TMED8: variants seen among roughly 807,000 people sequenced by gnomAD.
TMED8 encodes protein TMED8.
TMED8 carries 15 observed loss-of-function variants against 32.7 expected under a neutral mutation model. That is an observed-to-expected ratio of 0.46 (90% CI 0.31 to 0.71). TMED8 has a LOEUF of 0.71. TMED8 is among the 30% of genes least tolerant of loss of function. The pLI is 0.06. For synonymous variants in TMED8, 147 were observed against 161.4 expected, an observed-to-expected ratio of 0.91 and a Z score of 0.68; for missense variants, 390 against 423.9, an observed-to-expected ratio of 0.92 and a Z score of 0.70.
chr14:77,375,474 T>C, intron 1 of TMED8, among the ~76,000 whole-genome samples: 1 of 152,250 alleles, frequency 6.6e-6, no homozygotes, highest in East Asian at 1.9e-4. Flanking sequence ...AAGACTTACC[T>C]TTCTGTGTTT....
At chr14:77,346,958 T>C (rs781441904) in intron 2 of TMED8, among the ~76,000 whole-genome samples, 1 of 152,032 alleles carries the variant, frequency 6.6e-6, no homozygotes, top group Non-Finnish European at 1.5e-5. Context: ...AAATCTACTG[T>C]CTTAGCAATT....
At chr14:77,370,248 C>T (rs968487625) in intron 1 of TMED8, among the ~76,000 whole-genome samples, 1 of 152,082 alleles carries the variant, frequency 6.6e-6, no homozygotes, top group African/African-American at 2.4e-5. Context: ...CTATGTCTAT[C>T]CCCCTTTGGC....
intron 1 of TMED8, among the ~76,000 whole-genome samples, chr14:77,361,541 T>C (rs1893434543): frequency 6.6e-6 from 1 of 152,238 alleles, no homozygotes; most frequent in South Asian, 2.1e-4. Flanking sequence ...ATTGCTTGTA[T>C]ATTCAGGGTA....
At chr14:77,351,210 GGC>G (rs1296359617) in intron 2 of TMED8, among the ~76,000 whole-genome samples, 1 of 151,764 alleles carries the variant, frequency 6.6e-6, no homozygotes, top group Non-Finnish European at 1.5e-5. Flanking sequence ...TCCCTGGCCC[GGC>G]GCGGTGGCTC....
At position 77,338,229 on chromosome 14, in the gene TMED8, C is replaced by T. The variant is rs1892812295; in HGVS notation, c.*3542G>A. On this transcript the variant is annotated 3_prime_UTR_variant, in exon 6 of 6. Transcript: ENST00000216468. ...ACAGCAGGCCCCAAAGGAAATTTAC[C>T]CCCCAATATATTTATTTGACGTATT... 6.6e-6 allele frequency: 1 copy of T among 152,126 alleles called. No homozygotes were observed. 9.4% of individuals were successfully genotyped at this position (152,126 alleles called of 1,614,324 possible).
At chr14:77,344,380 T>C (rs1037938388) in intron 3 of TMED8, among the ~76,000 whole-genome samples, 7 of 152,246 alleles carry the variant, frequency 4.6e-5, no homozygotes, top group African/African-American at 1.4e-4. Flanking sequence ...GGGCTACAGA[T>C]TGTCTCAGTC....
At position 77,358,183 on chromosome 14, in the gene TMED8, A is replaced by T. The variant is rs929858404; in HGVS notation, c.119-6432T>A. On this transcript the variant is annotated intron_variant, in intron 1 of 5. Coordinates refer to ENST00000216468, the MANE Select transcript of TMED8 (RefSeq NM_213601.3). ...AAGACCACAATCAATGTAATATATCACACACACACACACACACACACGAAT... is the reference window on the plus strand; with the variant it reads ...AAGACCACAATCAATGTAATATATCTCACACACACACACACACACACGAAT... 8.9e-5 allele frequency among the ~76,000 whole-genome samples: 3 copies of T among 33,748 alleles called. No homozygotes were observed. The South Asian group carries it at 2.9e-3, about 32-fold the overall frequency. The allele number at this position is 33,748 out of a possible 152,430, so 22.1% of individuals were successfully genotyped here. A position where few individuals can be genotyped will look rare whatever the true frequency, so the allele number is the denominator to read the frequency against.
chr14:77,360,483 TATA>T (rs906633420), intron 1 of TMED8, among the ~76,000 whole-genome samples: 2 of 152,156 alleles, frequency 1.3e-5, no homozygotes, highest in African/African-American at 4.8e-5. Flanking sequence ...TTTTACTTAA[TATA>T]ATGTCATCCA....
intron 3 of TMED8, among the ~76,000 whole-genome samples, 183 bp downstream of exon 3, chr14:77,346,166 C>T (rs1893026788): frequency 1.3e-5 from 2 of 152,048 alleles, no homozygotes; most frequent in Non-Finnish European, 2.9e-5. Flanking sequence ...CAATGATGGG[C>T]CCTGTGGAAG....
intron 1 of TMED8, among the ~76,000 whole-genome samples, chr14:77,355,767 A>G (rs1432174315): frequency 6.6e-6 from 1 of 152,214 alleles, no homozygotes; most frequent in African/African-American, 2.4e-5. Flanking sequence ...TGGAAGTGGC[A>G]GTTCCTATGA....
rs375607497 is a variant in TMED8, at chr14:77,343,358, G to A, written c.580C>T (p.Arg194Trp). Residue 194 changes from arginine (R) to tryptophan (W), a missense_variant, in exon 5 of 6, where the codon CGG becomes TGG. By Grantham distance (101) the Arg-to-Trp change is moderately radical. Transcript: ENST00000216468. ...VVKRGEVVTIRVPTHPEGKRV... is the reference protein window; with the variant it reads ...VVKRGEVVTIWVPTHPEGKRV... ...TTCCCCTCTGGATGAGTAGGTACCC[G>A]GATGGTCACCACCTCACCACGCTTC... 52 of 1,613,962 alleles carry A rather than the reference G, an allele frequency of 3.2e-5. No homozygotes were observed. Among genetic ancestry groups the A allele is most frequent in the African/African-American group, 5.3e-5 (4 of 74,880 alleles).
chr14:77,339,609 T>C lies in TMED8; in HGVS notation c.*2162A>G, dbSNP rs982735727. The C allele has an allele frequency of 6.6e-6, 1 of 152,180 alleles. No individual in the cohort carries two copies. The highest frequency in any genetic ancestry group is 1.5e-5 in the Non-Finnish European group (1 of 68,036). 9.4% of individuals were successfully genotyped at this position (152,180 alleles called of 1,614,324 possible). A position where few individuals can be genotyped will look rare whatever the true frequency, so the allele number is the denominator to read the frequency against. ...TTATATTCAGTTAGCTAAGGCATGA[T>C]TCAACTTCAATGATGCAAGAGCGGT... is the stretch of plus-strand genomic sequence containing the variant. On this transcript the variant is annotated 3_prime_UTR_variant, in exon 6 of 6. Coordinates refer to ENST00000216468, the MANE Select transcript of TMED8 (RefSeq NM_213601.3).
At chr14:77,346,269 T>C in intron 3 of TMED8, 80 bp downstream of exon 3, 2 of 1,502,972 alleles carry the variant, frequency 1.3e-6, no homozygotes, top group Non-Finnish European at 1.8e-6. Flanking sequence ...CTCGCAGTGC[T>C]TTCTAATTCC....
chr14:77,346,325 A>G (rs1294892427), intron 3 of TMED8, 24 bp downstream of exon 3: 3 of 1,611,882 alleles, frequency 1.9e-6, no homozygotes, highest in African/African-American at 1.3e-5. Flanking sequence ...CTTTCATAAG[A>G]AAGAGCCAGA....
At chr14:77,365,161 T>C (rs1300458907) in intron 1 of TMED8, among the ~76,000 whole-genome samples, 1 of 152,204 alleles carries the variant, frequency 6.6e-6, no homozygotes, top group Non-Finnish European at 1.5e-5. Flanking sequence ...ATATACTGTA[T>C]ATACAGCAAC....
At position 77,356,301 on chromosome 14, in the gene TMED8, T is replaced by C. The variant is rs371927236; in HGVS notation, c.119-4550A>G. Among the ~76,000 whole-genome samples the C allele has an allele frequency of 1.1e-4, 16 of 152,334 alleles. No individual in the cohort carries two copies. In the East Asian group the frequency reaches 2.9e-3, roughly 27 times the overall value. ...TTAGAATTCCCCTACCCAATGCCCT[T>C]TCCTATCCTATATTCCCTGTTCCAA... On this transcript the variant is annotated intron_variant, in intron 1 of 5. Coordinates refer to ENST00000216468, the MANE Select transcript of TMED8 (RefSeq NM_213601.3).
At chr14:77,343,088 AG>A in intron 5 of TMED8, 89 bp downstream of exon 5, 1 of 1,288,968 alleles carries the variant, frequency 7.8e-7, no homozygotes, top group Non-Finnish European at 1.1e-6. Context: ...CTGCATTCAA[AG>A]GAAGAGGAGG....
At chr14:77,366,818 T>C (rs781527037) in intron 1 of TMED8, among the ~76,000 whole-genome samples, 1 of 152,144 alleles carries the variant, frequency 6.6e-6, no homozygotes, top group Non-Finnish European at 1.5e-5. Flanking sequence ...TTCTATAGTT[T>C]AAGAAATTGA....
chr14:77,369,687 T>C (rs994127081), intron 1 of TMED8, among the ~76,000 whole-genome samples: 2 of 152,230 alleles, frequency 1.3e-5, no homozygotes, highest in Admixed American at 6.5e-5. Context: ...GGATCACAGC[T>C]AGGTAATTCT....
Sources: allele counts gnomAD v4.1 joint callset (sites outside exome capture counted in the v4.1 genomes callset), GRCh38; gene constraint gnomAD v4.1.1; transcripts MANE v1.5; gene names NCBI Gene and HGNC (gene_info 2026-07-23, HGNC 2026-07-21).